Variants in TBC1D15 observed in about 807,000 individuals in gnomAD.
TBC1D15 encodes TBC1 domain family member 15.
TBC1D15 carries 39 observed loss-of-function variants against 95.4 expected under a neutral mutation model. That is an observed-to-expected ratio of 0.41 (90% CI 0.32 to 0.53). The LOEUF is 0.53. Ranked by LOEUF, TBC1D15 falls within the 20% of genes least tolerant of loss-of-function variation. TBC1D15 has a pLI of 0.29. For synonymous variants in TBC1D15, 258 were observed against 261.3 expected, an observed-to-expected ratio of 0.99 and a Z score of 0.12; for missense variants, 733 against 794.3, an observed-to-expected ratio of 0.92 and a Z score of 0.93.
At chr12:71,849,869 A>G in intron 1 of TBC1D15, 1 of 571,816 alleles carries the variant, frequency 1.7e-6, no homozygotes, top group Non-Finnish European at 3.4e-6. Context: ...TTCTGTCTAT[A>G]GAAGAATGTT....
At chr12:71,907,266 G>C in intron 11 of TBC1D15, 128 bp downstream of exon 11, 1 of 549,962 alleles carries the variant, frequency 1.8e-6, no homozygotes, top group South Asian at 3.1e-5. Context: ...TTCTCCAGGG[G>C]ACTGGAAACT....
intron 3 of TBC1D15, among the ~76,000 whole-genome samples, chr12:71,874,076 A>G (rs1327360681): frequency 1.3e-5 from 2 of 152,194 alleles, no homozygotes; most frequent in Non-Finnish European, 2.9e-5. Flanking sequence ...ATTAGGGCCC[A>G]TCCTGATAAT....
chr12:71,902,467 A>G (rs866118190), intron 10 of TBC1D15, among the ~76,000 whole-genome samples: 8 of 152,198 alleles, frequency 5.3e-5, no homozygotes, highest in Middle Eastern at 6.3e-3. Context: ...TGACAAAAAC[A>G]AGCCACAGGG....
At position 71,880,605 on chromosome 12, in the gene TBC1D15, G is replaced by C; in HGVS notation, c.341G>C (p.Gly114Ala). The change falls in exon 4 of 17, where the codon GGA (glycine) becomes GCA (alanine). Residue 114 changes from glycine to alanine, a missense_variant and splice_region_variant. Physicochemically the swap from Gly to Ala is moderately conservative, Grantham distance 60 (BLOSUM62 0). Transcript: ENST00000485960. ...VSFKRKPHTNGDAPSHRNGKS... is the reference protein window; with the variant it reads ...VSFKRKPHTNADAPSHRNGKS... ...TTTAAAAGGAAACCACATACCAATG[G>C]AGGTATGAATTAAATCTTTTGAAAT... The C allele has an allele frequency of 6.2e-7, 1 of 1,602,716 alleles. No homozygotes were observed. Among genetic ancestry groups the C allele is most frequent in the Non-Finnish European group, 8.5e-7 (1 of 1,175,752 alleles).
intron 12 of TBC1D15, among the ~76,000 whole-genome samples, chr12:71,914,947 G>GTTTTTGC (rs1302282893): frequency 1.3e-5 from 2 of 151,570 alleles, no homozygotes; most frequent in Non-Finnish European, 2.9e-5. Flanking sequence ...GATTCAACTT[G>GTTTTTGC]TTTTTGCTTC....
intron 11 of TBC1D15, among the ~76,000 whole-genome samples, chr12:71,912,697 G>A (rs950949083): frequency 6.6e-6 from 1 of 152,006 alleles, no homozygotes; most frequent in African/African-American, 2.4e-5. Flanking sequence ...CTTTTACATG[G>A]CTTCAGTGCA....
At chr12:71,887,391 G>T (rs1896444761) in intron 5 of TBC1D15, among the ~76,000 whole-genome samples, 1 of 152,160 alleles carries the variant, frequency 6.6e-6, no homozygotes, top group African/African-American at 2.4e-5. Flanking sequence ...TTGAAGAAGA[G>T]AAATTTCAAT....
intron 1 of TBC1D15, chr12:71,854,762 C>T (rs1266836739): frequency 6.6e-6 from 3 of 456,528 alleles, no homozygotes; most frequent in Non-Finnish European, 1.3e-5. Context: ...TTGCATTCCT[C>T]TCCCCCCCAC....
chr12:71,897,537 T>C (rs1379953069), intron 9 of TBC1D15, among the ~76,000 whole-genome samples: 4 of 152,068 alleles, frequency 2.6e-5, no homozygotes, highest in Admixed American at 2.0e-4. Context: ...GGTTAAAATA[T>C]TTCATGACTA....
intron 1 of TBC1D15, chr12:71,850,134 C>A: frequency 1.9e-6 from 1 of 533,452 alleles, no homozygotes; most frequent in Non-Finnish European, 3.6e-6. Flanking sequence ...TCAAATACTC[C>A]ATTCTCATGA....
At chr12:71,867,644 A>G (rs1891772478) in intron 1 of TBC1D15, among the ~76,000 whole-genome samples, 1 of 152,220 alleles carries the variant, frequency 6.6e-6, no homozygotes, top group Non-Finnish European at 1.5e-5. Flanking sequence ...GTGTTCATTA[A>G]AAACAAAAAA....
chr12:71,858,488 CTTTTTTTT>C (rs57589434), intron 1 of TBC1D15, among the ~76,000 whole-genome samples: 1 of 130,680 alleles, frequency 7.7e-6, no homozygotes, highest in African/African-American at 2.7e-5. Context: ...TGCTGATTTT[CTTTTTTTT>C]TTTTTGAAAT....
intron 1 of TBC1D15, among the ~76,000 whole-genome samples, chr12:71,842,585 CTT>C (rs1885287647): frequency 1.3e-5 from 2 of 152,002 alleles, no homozygotes; most frequent in South Asian, 4.1e-4. Flanking sequence ...AATCCCAGCA[CTT>C]TGGGAGGCTG....
chr12:71,884,248 A>C (rs1345606670), intron 4 of TBC1D15, among the ~76,000 whole-genome samples: 2 of 152,164 alleles, frequency 1.3e-5, no homozygotes, highest in African/African-American at 2.4e-5. Context: ...GAAGGAATAA[A>C]AGTTTTTGTT....
chr12:71,904,907 C>G (rs1208268938), intron 10 of TBC1D15, among the ~76,000 whole-genome samples: 1 of 152,080 alleles, frequency 6.6e-6, no homozygotes, highest in East Asian at 1.9e-4. Context: ...CATTCAGGAC[C>G]CACTTGATGT....
intron 15 of TBC1D15, among the ~76,000 whole-genome samples, 187 bp downstream of exon 15, chr12:71,921,034 C>T (rs1296814299): frequency 6.6e-6 from 1 of 152,066 alleles, no homozygotes; most frequent in Non-Finnish European, 1.5e-5. Context: ...TTTTACCTGG[C>T]TAATTAGGAA....
At chr12:71,886,336 T>G (rs1158406806) in intron 5 of TBC1D15, among the ~76,000 whole-genome samples, 1 of 152,178 alleles carries the variant, frequency 6.6e-6, no homozygotes, top group Non-Finnish European at 1.5e-5. Context: ...GGTTGGCTAA[T>G]TTTTGTATTT....
chr12:71,859,061 A>T (rs959161950), intron 1 of TBC1D15, among the ~76,000 whole-genome samples: 1 of 148,038 alleles, frequency 6.8e-6, no homozygotes, highest in Admixed American at 6.8e-5. Flanking sequence ...TGAGATTTTG[A>T]TTTGTATTTT....
At chr12:71,870,756 G>A (rs940489155) in intron 1 of TBC1D15, among the ~76,000 whole-genome samples, 2 of 152,164 alleles carry the variant, frequency 1.3e-5, no homozygotes, top group Non-Finnish European at 2.9e-5. Context: ...TGATGTAGTA[G>A]AATGTAGTTA....
Sources: allele counts gnomAD v4.1 joint callset (sites outside exome capture counted in the v4.1 genomes callset), GRCh38; gene constraint gnomAD v4.1.1; transcripts MANE v1.5; gene names NCBI Gene and HGNC (gene_info 2026-07-23, HGNC 2026-07-21).